The following SGCD variants were observed in gnomAD, a reference collection of about 807,000 sequenced individuals.
The protein encoded by SGCD is sarcoglycan delta, also known as delta-sarcoglycan.
SGCD carries 18 observed loss-of-function variants against 36.6 expected under a neutral mutation model. That is an observed-to-expected ratio of 0.49 (90% CI 0.34 to 0.73). The LOEUF is 0.73. Ranked by LOEUF, SGCD falls within the 30% of genes least tolerant of loss-of-function variation. SGCD has a pLI of 0.01. For missense variants in SGCD, 387 were observed against 346.7 expected (o/e 1.12, Z -0.92); for synonymous variants, 133 against 130.6 (o/e 1.02, Z -0.12).
upstream of SGCD, among the ~76,000 whole-genome samples, chr5:156,326,000 C>A (rs1413372415): frequency 6.6e-6 from 1 of 152,192 alleles, no homozygotes; most frequent in Non-Finnish European, 1.5e-5. Flanking sequence ...CAAGCCAGTT[C>A]TTTAGAATAA....
At chr5:156,261,491 G>T (rs933395937) in intron 3 of SGCD, among the ~76,000 whole-genome samples, 1 of 152,152 alleles carries the variant, frequency 6.6e-6, no homozygotes, top group Admixed American at 6.6e-5. Context: ...TCAGTGCAAC[G>T]TATTACTCAC....
At chr5:156,750,502 A>T (rs965084918) in intron 7 of SGCD, among the ~76,000 whole-genome samples, 24 of 152,252 alleles carry the variant, frequency 1.6e-4, no homozygotes, top group African/African-American at 5.5e-4. Flanking sequence ...ACATGGTGAA[A>T]CCCTGTCTCT....
At chr5:155,867,431 G>A (rs538307401), upstream of SGCD, among the ~76,000 whole-genome samples, 4 of 152,320 alleles carry the variant, frequency 2.6e-5, no homozygotes, top group East Asian at 7.7e-4. Flanking sequence ...ATATCTGGAG[G>A]AGACTATGCT....
intron 3 of SGCD, among the ~76,000 whole-genome samples, chr5:156,487,718 G>A (rs1180082882): frequency 2.8e-5 from 4 of 142,044 alleles, no homozygotes; most frequent in African/African-American, 5.1e-5. Context: ...AACCCAGGAG[G>A]TGGAAGTTGC....
intron 3 of SGCD, among the ~76,000 whole-genome samples, chr5:156,449,675 T>TACAAAAAAAAAAAAA (rs1753911791): frequency 5.2e-5 from 1 of 19,226 alleles, no homozygotes; most frequent in Non-Finnish European, 1.1e-4. Context: ...CTACTAAAAA[T>TACAAAAAAAAAAAAA]ACAAAAAAAA....
At chr5:156,323,331 CTG>C (rs1242549976), upstream of SGCD, among the ~76,000 whole-genome samples, 1 of 152,128 alleles carries the variant, frequency 6.6e-6, no homozygotes, top group Non-Finnish European at 1.5e-5. Flanking sequence ...ATTAAGGAAA[CTG>C]AAATATTCCC....
intron 1 of SGCD, among the ~76,000 whole-genome samples, chr5:155,977,948 G>C (rs1394558562): frequency 6.6e-6 from 1 of 152,082 alleles, no homozygotes; most frequent in Non-Finnish European, 1.5e-5. Context: ...CAAAAAACTA[G>C]CTGGACGTGG....
At chr5:155,944,576 G>A (rs1432335041) in intron 1 of SGCD, among the ~76,000 whole-genome samples, 1 of 152,108 alleles carries the variant, frequency 6.6e-6, no homozygotes, top group Non-Finnish European at 1.5e-5. Flanking sequence ...ATTTAACTTA[G>A]AATCAGCGCT....
rs545535085 is a variant in SGCD at position 156,292,578 on chromosome 5, T to A, written c.-43-36956T>A. ...TAAAACCTTGGTGTATTAATATCTC[T>A]TCAAGACTCTGCTTTCCATTATTTT... On this transcript the variant is annotated intron_variant, in intron 3 of 9. Coordinates refer to the SGCD transcript ENST00000517913. 2.6e-5 allele frequency among the ~76,000 whole-genome samples: 4 copies of A among 152,270 alleles called. No individual in the cohort carries two copies. The Middle Eastern group carries it at 0.014, about 518-fold the overall frequency.
intron 3 of SGCD, among the ~76,000 whole-genome samples, chr5:156,204,961 G>A (rs11951117): frequency 0.34 from 51,176 of 151,902 alleles, 9,150 homozygotes; most frequent in East Asian, 0.62. Context: ...GTCACAGAAG[G>A]CACAGAGATG....
At chr5:156,730,011 C>T (rs555463158) in intron 7 of SGCD, among the ~76,000 whole-genome samples, 2 of 152,304 alleles carry the variant, frequency 1.3e-5, no homozygotes, top group Admixed American at 1.3e-4. Context: ...TTTCATTGTG[C>T]ATCTCCAATA....
chr5:156,104,371 C>T (rs1343184980), intron 1 of SGCD, among the ~76,000 whole-genome samples: 1 of 152,046 alleles, frequency 6.6e-6, no homozygotes, highest in Non-Finnish European at 1.5e-5. Context: ...ACGATATGCC[C>T]AAGAGTATAG....
chr5:155,901,202 C>G (rs1287491416), intron 1 of SGCD, among the ~76,000 whole-genome samples: 2 of 151,690 alleles, frequency 1.3e-5, no homozygotes, highest in Non-Finnish European at 2.9e-5. Context: ...ATCCCAGCTA[C>G]TTGGGAGGCT....
chr5:156,373,790 G>A (rs138646380), intron 3 of SGCD, among the ~76,000 whole-genome samples: 18 of 152,350 alleles, frequency 1.2e-4, no homozygotes, highest in African/African-American at 3.8e-4. Flanking sequence ...GCTGTTGCTA[G>A]CTCAGGCCAA....
At chr5:155,907,318 T>G (rs1260620830) in intron 1 of SGCD, among the ~76,000 whole-genome samples, 1 of 152,150 alleles carries the variant, frequency 6.6e-6, no homozygotes, top group Non-Finnish European at 1.5e-5. Context: ...GTTGCTTTCA[T>G]ACCTGCTAAC....
chr5:155,915,005 G>A (rs181409009), intron 1 of SGCD, among the ~76,000 whole-genome samples: 1 of 152,240 alleles, frequency 6.6e-6, no homozygotes, highest in African/African-American at 2.4e-5. Context: ...CTCCCAGGAG[G>A]GTGATAAAAT....
the SGCD span, among the ~76,000 whole-genome samples, chr5:155,743,042 C>T: frequency 6.6e-6 from 1 of 152,174 alleles, no homozygotes; most frequent in African/African-American, 2.4e-5. Flanking sequence ...GTACCATCCT[C>T]CAGGAATCTT....
chr5:156,259,600 A>T (rs1037545475), intron 3 of SGCD, among the ~76,000 whole-genome samples: 2 of 152,116 alleles, frequency 1.3e-5, no homozygotes, highest in Non-Finnish European at 2.9e-5. Context: ...TATCAAATTA[A>T]CTTTTGTTTC....
At chr5:155,899,412 A>C (rs999609761) in intron 1 of SGCD, among the ~76,000 whole-genome samples, 1 of 152,206 alleles carries the variant, frequency 6.6e-6, no homozygotes, top group Non-Finnish European at 1.5e-5. Context: ...AAATTTCACT[A>C]ACATGAAAGA....
Sources: allele counts gnomAD v4.1 joint callset (sites outside exome capture counted in the v4.1 genomes callset), GRCh38; gene constraint gnomAD v4.1.1; transcripts MANE v1.5; gene names NCBI Gene and HGNC (gene_info 2026-07-23, HGNC 2026-07-21).